GRM8: variants seen among roughly 807,000 people sequenced by gnomAD.
The protein encoded by GRM8 is metabotropic glutamate receptor 8.
Under a neutral mutation model 87.2 loss-of-function variants are expected in GRM8, and 47 were observed. The ratio of observed to expected loss-of-function variants is 0.54; its 90% CI spans 0.43 to 0.69. The LOEUF is 0.69. GRM8 is among the 30% of genes least tolerant of loss of function. GRM8 has a pLI of 0.00. For synonymous variants in GRM8, 396 were observed against 404.5 expected (o/e 0.98, Z 0.25); for missense variants, 1,019 against 1,139.2 (o/e 0.89, Z 1.52).
chr7:127,111,020 C>T (rs1554595300), intron 2 of GRM8: 1 of 152,212 alleles, frequency 6.6e-6, no homozygotes, highest in Non-Finnish European at 1.5e-5. Context: ...TTGAGAAATA[C>T]TTGAAGTCCA....
chr7:126,712,452 T>G (rs1249112222), intron 7 of GRM8, among the ~76,000 whole-genome samples: 1 of 152,132 alleles, frequency 6.6e-6, no homozygotes, highest in Non-Finnish European at 1.5e-5. Context: ...AGATACAAAG[T>G]AAACACATGA....
intron 6 of GRM8, among the ~76,000 whole-genome samples, chr7:126,876,964 GC>G (rs1799573790): frequency 6.7e-6 from 1 of 148,778 alleles, no homozygotes; most frequent in African/African-American, 2.5e-5. Context: ...GTTCCATGTT[GC>G]CTCTATTCAG....
intron 2 of GRM8, among the ~76,000 whole-genome samples, chr7:127,134,025 T>A (rs1244058777): frequency 6.6e-6 from 1 of 152,320 alleles, no homozygotes. Flanking sequence ...CGGTATTATC[T>A]CCATTCATCC....
intron 9 of GRM8, among the ~76,000 whole-genome samples, chr7:126,465,045 A>C (rs1563034858): frequency 6.6e-6 from 1 of 151,624 alleles, no homozygotes; most frequent in Non-Finnish European, 1.5e-5. Flanking sequence ...TTTTTTGATA[A>C]TCAAATTCTC....
intron 6 of GRM8, among the ~76,000 whole-genome samples, chr7:126,813,046 A>G (rs1420911096): frequency 6.6e-6 from 1 of 152,046 alleles, no homozygotes; most frequent in Non-Finnish European, 1.5e-5. Context: ...AGGATCTATA[A>G]AAATAACTAA....
Position 126,821,103 on chromosome 7 carries a change from A to G in GRM8, c.1157-51038T>C, listed in dbSNP as rs139032375. 6.6e-5 allele frequency among the ~76,000 whole-genome samples: 10 copies of G among 152,298 alleles called. No individual in the cohort carries two copies. The East Asian group carries it at 1.4e-3, about 21-fold the overall frequency. On this transcript the variant is annotated intron_variant, in intron 6 of 10. Transcript: ENST00000339582. ...GGCGACGGAGCAAGACTCTGTCTCAATCTCCAACCAGTATAAATGACACAC... is the reference window on the plus strand; with the variant it reads ...GGCGACGGAGCAAGACTCTGTCTCAGTCTCCAACCAGTATAAATGACACAC...
intron 7 of GRM8, among the ~76,000 whole-genome samples, chr7:126,669,057 T>C (rs13437897): frequency 0.019 from 2,887 of 152,170 alleles, 94 homozygotes; most frequent in African/African-American, 0.066. Flanking sequence ...CTCAGCAAAC[T>C]AACACAGGAA....
chr7:127,031,819 T>C (rs902259407), intron 3 of GRM8, among the ~76,000 whole-genome samples: 2 of 152,172 alleles, frequency 1.3e-5, no homozygotes, highest in African/African-American at 4.8e-5. Flanking sequence ...CAGATTCTTC[T>C]TAAGCTCCAT....
chr7:126,532,511 G>A (rs1814968892), intron 9 of GRM8, among the ~76,000 whole-genome samples: 1 of 151,944 alleles, frequency 6.6e-6, no homozygotes. Flanking sequence ...GAAGGCATTT[G>A]TCATGCAGTG....
chr7:126,886,031 C>T (rs188152999), intron 6 of GRM8, among the ~76,000 whole-genome samples: 1 of 152,180 alleles, frequency 6.6e-6, no homozygotes, highest in South Asian at 2.1e-4. Context: ...TCATCACAAC[C>T]ACAGATAACC....
intron 7 of GRM8, among the ~76,000 whole-genome samples, chr7:126,663,741 A>G (rs1453814323): frequency 6.6e-6 from 1 of 152,196 alleles, no homozygotes; most frequent in Non-Finnish European, 1.5e-5. Context: ...CAAGACAAGG[A>G]TGCCTGCTCC....
In GRM8 at chr7:126,529,125, T is replaced by C. The variant is rs78527241; in HGVS notation, c.2430+3827A>G. Among the ~76,000 whole-genome samples, 198 of 152,206 alleles carry C rather than the reference T, an allele frequency of 1.3e-3. 2 individuals are homozygous for C. In the East Asian group the frequency reaches 0.019, roughly 15 times the overall value. On this transcript the variant is annotated intron_variant, in intron 9 of 10. Coordinates refer to ENST00000339582, the MANE Select transcript of GRM8 (RefSeq NM_000845.3). ...AGTCCTATTTGAGAATAAGTGATAA[T>C]GACAACTTTTTAGAAAAAAATCTAC...
At chr7:126,559,952 G>C (rs947868933) in intron 8 of GRM8, among the ~76,000 whole-genome samples, 2 of 152,164 alleles carry the variant, frequency 1.3e-5, no homozygotes, top group African/African-American at 4.8e-5. Flanking sequence ...TGTGTCAACA[G>C]ACATGATCAT....
At chr7:126,681,137 T>C (rs1807522991) in intron 7 of GRM8, among the ~76,000 whole-genome samples, 2 of 152,144 alleles carry the variant, frequency 1.3e-5, no homozygotes, top group South Asian at 4.1e-4. Flanking sequence ...ATCCCTATAT[T>C]TATTAGACCC....
chr7:126,941,673 C>A (rs1806964900), intron 3 of GRM8, among the ~76,000 whole-genome samples: 1 of 151,696 alleles, frequency 6.6e-6, no homozygotes, highest in African/African-American at 2.4e-5. Context: ...AAGTTCGTGT[C>A]ATTTTTTTAA....
At chr7:126,690,163 T>C (rs1046116572) in intron 7 of GRM8, among the ~76,000 whole-genome samples, 10 of 152,250 alleles carry the variant, frequency 6.6e-5, no homozygotes, top group Admixed American at 1.3e-4. Flanking sequence ...CTGTGGCTGA[T>C]GGCGCCTTTG....
chr7:127,201,702 T>G (rs905428426), intron 2 of GRM8, among the ~76,000 whole-genome samples: 2 of 152,204 alleles, frequency 1.3e-5, no homozygotes, highest in African/African-American at 4.8e-5. Flanking sequence ...TACCCACTTT[T>G]GGAATAGCCT....
At chr7:126,705,305 T>A (rs1230709451) in intron 7 of GRM8, among the ~76,000 whole-genome samples, 1 of 152,146 alleles carries the variant, frequency 6.6e-6, no homozygotes. Flanking sequence ...ATCTTGCCAA[T>A]CTCCTTGCTG....
chr7:126,440,944 T>G (rs1018537153), intron 10 of GRM8, among the ~76,000 whole-genome samples: 2 of 152,064 alleles, frequency 1.3e-5, no homozygotes, highest in African/African-American at 4.8e-5. Flanking sequence ...ACTAAAAATA[T>G]AAAAGTGCTA....
Sources: allele counts gnomAD v4.1 joint callset (sites outside exome capture counted in the v4.1 genomes callset), GRCh38; gene constraint gnomAD v4.1.1; transcripts MANE v1.5; gene names NCBI Gene and HGNC (gene_info 2026-07-23, HGNC 2026-07-21).